The following SLC26A7 variants were observed in gnomAD, a reference collection of about 807,000 sequenced individuals.
SLC26A7 encodes the protein solute carrier family 26 member 7.
A neutral mutation model predicts 82.5 loss-of-function variants in SLC26A7; 59 were observed. The ratio of observed to expected loss-of-function variants is 0.72; its 90% confidence interval spans 0.58 to 0.89. SLC26A7 has a LOEUF of 0.89. Among genes scored for constraint, SLC26A7 ranks in the 40% least tolerant of loss-of-function variants. The pLI is 0.00. For synonymous variants in SLC26A7, 271 were observed against 274.3 expected (o/e 0.99, Z 0.12); for missense variants, 820 against 793.0 (o/e 1.03, Z -0.41).
In SLC26A7 at chr8:91,389,438, G is replaced by C. The variant is rs908857542; in HGVS notation, c.1776G>C (p.Glu592Asp). The change falls in exon 16 of 19, where the codon GAG becomes GAC. Residue 592 changes from glutamate (E) to aspartate (D), a missense_variant and splice_region_variant. Coordinates refer to ENST00000276609, the MANE Select transcript of SLC26A7 (RefSeq NM_052832.4). ...ATTCTGGAGTCTCCATGCTTGTTGA[G>C]GTATTTATGGAACTTGTGTTTAGAA... ...FDYSGVSMLV[E>D]VYMDCKGRSV... 2 of 1,604,588 alleles carry C rather than the reference G, an allele frequency of 1.2e-6. No individual in the cohort carries two copies. The highest frequency in any genetic ancestry group is 1.7e-5 in the Admixed American group (1 of 59,978).
chr8:91,327,092 G>C (rs1812952781), intron 5 of SLC26A7, among the ~76,000 whole-genome samples: 1 of 152,118 alleles, frequency 6.6e-6, no homozygotes, highest in Non-Finnish European at 1.5e-5. Flanking sequence ...ACAGGCACTG[G>C]AGTTTAGAAT....
At chr8:91,219,620 G>A (rs1810126256) in intron 2 of SLC26A7, among the ~76,000 whole-genome samples, 1 of 152,144 alleles carries the variant, frequency 6.6e-6, no homozygotes, top group African/African-American at 2.4e-5. Context: ...CAGAAAAGTA[G>A]AAAAATAAGT....
At chr8:91,317,297 G>A (rs1356711534) in intron 4 of SLC26A7, among the ~76,000 whole-genome samples, 2 of 152,194 alleles carry the variant, frequency 1.3e-5, no homozygotes, top group Admixed American at 6.5e-5. Flanking sequence ...TTTTGAGATG[G>A]AGGATGTTGC....
intron 2 of SLC26A7, among the ~76,000 whole-genome samples, chr8:91,220,030 C>A (rs951568812): frequency 2.6e-5 from 4 of 152,266 alleles, no homozygotes; most frequent in South Asian, 4.1e-4. Context: ...CTAGCAAGGC[C>A]TTTTATGAGT....
intron 4 of SLC26A7, among the ~76,000 whole-genome samples, chr8:91,304,694 A>G (rs1353691766): frequency 6.6e-6 from 1 of 152,200 alleles, no homozygotes; most frequent in Non-Finnish European, 1.5e-5. Flanking sequence ...TTTCTAAACT[A>G]GTGTTGACAA....
chr8:91,216,893 A>G (rs958350706), intron 1 of SLC26A7, among the ~76,000 whole-genome samples: 3 of 152,240 alleles, frequency 2.0e-5, no homozygotes, highest in South Asian at 2.1e-4. Flanking sequence ...CCCCAATACA[A>G]TGTGCACATT....
At chr8:91,311,076 G>A (rs1035159099) in intron 4 of SLC26A7, among the ~76,000 whole-genome samples, 1 of 152,164 alleles carries the variant, frequency 6.6e-6, no homozygotes, top group Non-Finnish European at 1.5e-5. Flanking sequence ...ATATGGATTT[G>A]TTGCAACAGT....
chr8:91,320,955 A>G (rs1437459349), intron 5 of SLC26A7, among the ~76,000 whole-genome samples: 1 of 152,206 alleles, frequency 6.6e-6, no homozygotes, highest in Non-Finnish European at 1.5e-5. Context: ...ATGATTCCTA[A>G]TAGTCCCAGG....
chr8:91,308,331 C>T (rs1300091488), intron 4 of SLC26A7, among the ~76,000 whole-genome samples: 1 of 151,364 alleles, frequency 6.6e-6, no homozygotes, highest in African/African-American at 2.4e-5. Flanking sequence ...ACCATCTTAA[C>T]CATTTTTCAG....
At chr8:91,323,894 C>T (rs898716412) in intron 5 of SLC26A7, among the ~76,000 whole-genome samples, 37 of 149,338 alleles carry the variant, frequency 2.5e-4, no homozygotes, top group African/African-American at 8.4e-4. Context: ...TCTCGGCTCA[C>T]TGCAACCTCC....
At chr8:91,345,038 T>C (rs1421066008) in intron 9 of SLC26A7, among the ~76,000 whole-genome samples, 1 of 151,738 alleles carries the variant, frequency 6.6e-6, no homozygotes, top group Non-Finnish European at 1.5e-5. Flanking sequence ...AAACTTGTGG[T>C]CTGAAGTATC....
intron 6 of SLC26A7, among the ~76,000 whole-genome samples, chr8:91,335,530 A>G (rs1490189167): frequency 1.3e-5 from 2 of 152,208 alleles, no homozygotes; most frequent in African/African-American, 4.8e-5. Flanking sequence ...TACTTATTAT[A>G]TCTTGGGAAG....
intron 2 of SLC26A7, among the ~76,000 whole-genome samples, chr8:91,236,140 G>T (rs1209001598): frequency 1.3e-5 from 2 of 152,078 alleles, no homozygotes; most frequent in African/African-American, 4.8e-5. Context: ...ATCTTAATTT[G>T]TGTTTTGGGA....
chr8:91,307,787 C>T (rs1025069908), intron 4 of SLC26A7, among the ~76,000 whole-genome samples: 36 of 143,284 alleles, frequency 2.5e-4, no homozygotes, highest in Non-Finnish European at 5.4e-4. Flanking sequence ...TACCCTAAAA[C>T]TTAAAGTATA....
At chr8:91,245,498 A>T (rs945058022), upstream of SLC26A7, among the ~76,000 whole-genome samples, 1 of 152,136 alleles carries the variant, frequency 6.6e-6, no homozygotes. Flanking sequence ...CTTCCTTAGT[A>T]TCAGCCTTCG....
chr8:91,362,008 A>G (rs1184804686), intron 11 of SLC26A7, among the ~76,000 whole-genome samples: 1 of 152,154 alleles, frequency 6.6e-6, no homozygotes, highest in African/African-American at 2.4e-5. Flanking sequence ...ATAATATTAC[A>G]TTAAATGAGA....
At chr8:91,338,008 T>G (rs568205269) in intron 6 of SLC26A7, 142 bp from the exon 7 acceptor site, 1 of 465,164 alleles carries the variant, frequency 2.1e-6, no homozygotes, top group East Asian at 3.5e-5. Flanking sequence ...ATTTTATTTA[T>G]TTTTGAAAGT....
chr8:91,280,384 C>T (rs1811536369), intron 2 of SLC26A7, among the ~76,000 whole-genome samples: 1 of 152,198 alleles, frequency 6.6e-6, no homozygotes, highest in African/African-American at 2.4e-5. Context: ...AGAAAACAAA[C>T]TCAACTTTTC....
At chr8:91,305,151 T>C (rs908920144) in intron 4 of SLC26A7, among the ~76,000 whole-genome samples, 1 of 152,180 alleles carries the variant, frequency 6.6e-6, no homozygotes. Context: ...ACTTAATAAA[T>C]GTGAGTTGAT....
Sources: gnomAD v4.1 joint callset for allele counts (sites outside exome capture counted in the v4.1 genomes callset) on GRCh38, gnomAD v4.1.1 for gene constraint, MANE v1.5 for transcripts, NCBI Gene and HGNC (gene_info 2026-07-23, HGNC 2026-07-21) for gene names.